Variants in KHDRBS2 observed in about 807,000 individuals in gnomAD.
The protein encoded by KHDRBS2 is KH domain-containing, RNA-binding, signal transduction-associated protein 2.
In KHDRBS2, 26 loss-of-function variants were observed where a neutral mutation model predicts 44.3. The ratio of observed to expected loss-of-function variants is 0.59; its 90% confidence interval spans 0.43 to 0.81. The LOEUF (loss-of-function observed/expected upper bound fraction) is 0.81, where lower values mean the gene tolerates loss of function less well. Ranked by LOEUF, KHDRBS2 falls within the 40% of genes least tolerant of loss-of-function variation. KHDRBS2 has a pLI of 0.00. For synonymous variants in KHDRBS2, 194 were observed against 151.1 expected, an observed-to-expected ratio of 1.28 and a Z score of -2.08; for missense variants, 476 against 433.1, an observed-to-expected ratio of 1.10 and a Z score of -0.88.
At chr6:61,671,614 T>C in the KHDRBS2 span, among the ~76,000 whole-genome samples, 273 of 151,830 alleles carry the variant, frequency 1.8e-3, 2 homozygotes, top group African/African-American at 6.2e-3. Flanking sequence ...TTTGGAAAAC[T>C]GGTACCTGTT....
intron 3 of KHDRBS2, among the ~76,000 whole-genome samples, chr6:62,040,113 G>A (rs1786134276): frequency 6.6e-6 from 1 of 152,000 alleles, no homozygotes; most frequent in African/African-American, 2.4e-5. Context: ...TATTTGACAA[G>A]TTTTAAATAA....
At chr6:62,117,008 T>C (rs1206285027) in intron 2 of KHDRBS2, among the ~76,000 whole-genome samples, 2 of 152,172 alleles carry the variant, frequency 1.3e-5, no homozygotes, top group African/African-American at 4.8e-5. Context: ...TGAACAATTA[T>C]GAAGTCAACC....
At chr6:61,870,422 C>T (rs531015441) in intron 6 of KHDRBS2, among the ~76,000 whole-genome samples, 1 of 152,182 alleles carries the variant, frequency 6.6e-6, no homozygotes, top group Non-Finnish European at 1.5e-5. Context: ...CACCCATCTG[C>T]CTGGGACAGA....
At chr6:61,942,259 C>T (rs187242696) in intron 4 of KHDRBS2, among the ~76,000 whole-genome samples, 23 of 151,936 alleles carry the variant, frequency 1.5e-4, no homozygotes, top group East Asian at 1.2e-3. Context: ...TCACACTTGG[C>T]CAGAATTAAA....
At chr6:61,635,289 G>A in the KHDRBS2 span, among the ~76,000 whole-genome samples, 1 of 151,954 alleles carries the variant, frequency 6.6e-6, no homozygotes, top group Non-Finnish European at 1.5e-5. Context: ...TCATATCCAA[G>A]TCAGAATGAC....
chr6:61,587,452 C>T, the KHDRBS2 span, among the ~76,000 whole-genome samples: 20 of 152,124 alleles, frequency 1.3e-4, no homozygotes, highest in Non-Finnish European at 1.8e-4. Context: ...CATCTGCACT[C>T]GCCTTGTGTA....
intron 4 of KHDRBS2, among the ~76,000 whole-genome samples, chr6:61,965,095 T>C (rs533981746): frequency 6.6e-6 from 1 of 152,200 alleles, no homozygotes; most frequent in African/African-American, 2.4e-5. Flanking sequence ...GATGTTGGCT[T>C]TCTAGGGCTG....
chr6:61,567,369 A>T, the KHDRBS2 span, among the ~76,000 whole-genome samples: 1 of 152,228 alleles, frequency 6.6e-6, no homozygotes, highest in African/African-American at 2.4e-5. Context: ...CACAAAGATA[A>T]ATGTAAAATA....
At chr6:62,063,558 A>G (rs937785505) in intron 2 of KHDRBS2, among the ~76,000 whole-genome samples, 4 of 151,500 alleles carry the variant, frequency 2.6e-5, no homozygotes, top group Admixed American at 6.6e-5. Flanking sequence ...ATGCAGAAAA[A>G]GCCTTTGACA....
At chr6:62,243,415 T>G (rs1835020367) in intron 1 of KHDRBS2, among the ~76,000 whole-genome samples, 2 of 152,030 alleles carry the variant, frequency 1.3e-5, no homozygotes. Context: ...TAAGATTCAG[T>G]AACCTCAACA....
At chr6:62,075,104 T>A (rs1157628560) in intron 2 of KHDRBS2, among the ~76,000 whole-genome samples, 3 of 151,928 alleles carry the variant, frequency 2.0e-5, no homozygotes, top group Non-Finnish European at 4.4e-5. Flanking sequence ...TTTGCTTATG[T>A]TTTAACTCTT....
chr6:61,814,312 A>G (rs1190323027), intron 6 of KHDRBS2, among the ~76,000 whole-genome samples: 2 of 152,176 alleles, frequency 1.3e-5, no homozygotes, highest in African/African-American at 4.8e-5. Flanking sequence ...CTAATTAGTT[A>G]CATTAAAAAC....
At chr6:61,728,810 ATCT>A (rs753650995) in intron 7 of KHDRBS2, among the ~76,000 whole-genome samples, 40 of 152,268 alleles carry the variant, frequency 2.6e-4, no homozygotes, top group East Asian at 2.5e-3. Flanking sequence ...GACTGTATTT[ATCT>A]TCTTCTTTTT....
chr6:61,593,434 A>G, the KHDRBS2 span, among the ~76,000 whole-genome samples: 2 of 151,564 alleles, frequency 1.3e-5, no homozygotes, highest in Non-Finnish European at 2.9e-5. Flanking sequence ...CATTTTAAAA[A>G]GCCACAATGA....
At chr6:61,597,773 T>TATATATGTATATATATATATATAC in the KHDRBS2 span, among the ~76,000 whole-genome samples, 4 of 42,330 alleles carry the variant, frequency 9.4e-5, 1 homozygote, top group Non-Finnish European at 1.9e-4. Flanking sequence ...TATATATATA[T>TATATATGTATATATATATATATAC]ACACCAAGAT....
chr6:61,755,701 C>G lies in KHDRBS2; in HGVS notation c.811-22937G>C, dbSNP rs553639547. 1.2e-4 allele frequency among the ~76,000 whole-genome samples: 18 copies of G among 150,366 alleles called. No individual in the cohort carries two copies. The South Asian group carries it at 3.3e-3, about 28-fold the overall frequency. ...TGGTGTGTGCCTGTAATCCTAGCTA[C>G]TTGGGAGGAAGTAGCTTGAACCTGG... On this transcript the variant is annotated intron_variant, in intron 6 of 8. Coordinates refer to ENST00000281156, the MANE Select transcript of KHDRBS2 (RefSeq NM_152688.4).
chr6:61,754,473 T>TACA (rs1778189233), intron 6 of KHDRBS2, among the ~76,000 whole-genome samples: 1 of 152,010 alleles, frequency 6.6e-6, no homozygotes, highest in African/African-American at 2.4e-5. Flanking sequence ...AATCAGGGGT[T>TACA]ACAAACCTGG....
chr6:61,953,961 A>G (rs1765332038), intron 4 of KHDRBS2, among the ~76,000 whole-genome samples: 1 of 152,188 alleles, frequency 6.6e-6, no homozygotes, highest in Non-Finnish European at 1.5e-5. Flanking sequence ...CTAGACTGAA[A>G]AAAAGAGACC....
At chr6:61,978,792 A>G (rs1180987930) in intron 3 of KHDRBS2, among the ~76,000 whole-genome samples, 1 of 151,874 alleles carries the variant, frequency 6.6e-6, no homozygotes, top group African/African-American at 2.4e-5. Context: ...TTATTTATTT[A>G]TTTTGTCAAC....
Sources: allele counts gnomAD v4.1 joint callset (sites outside exome capture counted in the v4.1 genomes callset), GRCh38; gene constraint gnomAD v4.1.1; transcripts MANE v1.5; gene names NCBI Gene and HGNC (gene_info 2026-07-23, HGNC 2026-07-21).